PHF2: variants seen among roughly 807,000 people sequenced by gnomAD.
PHF2 encodes lysine-specific demethylase PHF2.
PHF2 carries 27 observed loss-of-function variants against 120.5 expected under a neutral mutation model. That is an observed-to-expected ratio of 0.22 (90% CI 0.17 to 0.31). The LOEUF is 0.31. Among genes scored for constraint, PHF2 ranks in the 10% least tolerant of loss-of-function variants. The probability of loss-of-function intolerance (pLI) is 1.00; values close to 1 mark genes in which losing one functional copy is unlikely to be tolerated. For missense variants in PHF2, 1,024 were observed against 1,434.8 expected (o/e 0.71, Z 4.63); for synonymous variants, 568 against 592.5 (o/e 0.96, Z 0.60).
chr9:93,649,617 CCGGACACACAACATTCA>C (rs1448747709), intron 5 of PHF2, among the ~76,000 whole-genome samples: 1 of 152,010 alleles, frequency 6.6e-6, no homozygotes, highest in Non-Finnish European at 1.5e-5. Flanking sequence ...ACACCCACTT[CCGGACACACAACATTCA>C]CGCTTACTCA....
intron 1 of PHF2, among the ~76,000 whole-genome samples, chr9:93,599,218 A>T (rs1402316325): frequency 2.6e-5 from 4 of 152,000 alleles, no homozygotes; most frequent in Non-Finnish European, 4.4e-5. Flanking sequence ...GGCCTGCTGG[A>T]CCTCGGGCTG....
At chr9:93,655,449 C>G (rs1247666447) in intron 7 of PHF2, among the ~76,000 whole-genome samples, 1 of 152,214 alleles carries the variant, frequency 6.6e-6, no homozygotes, top group East Asian at 1.9e-4. Flanking sequence ...GGCCCAGGCT[C>G]TGTCTCCGAG....
chr9:93,666,066 C>T lies in PHF2; in HGVS notation c.2187+6C>T. 1 of 1,611,838 alleles carries T rather than the reference C, an allele frequency of 6.2e-7. No homozygotes were observed. Among genetic ancestry groups the T allele is most frequent in the Non-Finnish European group, 8.5e-7 (1 of 1,178,662 alleles). On this transcript the variant is annotated splice_donor_region_variant and intron_variant, in intron 16 of 21. Transcript: ENST00000359246. ...TGGACTCGGCAGCGTACAAGGTGAG[C>T]TGCCTTACAGGCCCCCCTCAGTCTC... is the stretch of plus-strand genomic sequence containing the variant.
rs752584255 is a variant in PHF2, at chr9:93,665,640, C to T, written c.1938-46C>T. The T allele has an allele frequency of 1.9e-6, 3 of 1,596,948 alleles. No individual in the cohort carries two copies. The South Asian group carries it at 3.3e-5, about 18-fold the overall frequency. On this transcript the variant is annotated intron_variant, in intron 14 of 21. Coordinates refer to ENST00000359246, the MANE Select transcript of PHF2 (RefSeq NM_005392.4). ...TCGGGAGGTCCTACCTGTCCGCTGG[C>T]TGTGGGGCTATGTGGATGCTGCTGA...
At chr9:93,578,649 C>A (rs1340562559) in intron 1 of PHF2, among the ~76,000 whole-genome samples, 1 of 152,130 alleles carries the variant, frequency 6.6e-6, no homozygotes, top group African/African-American at 2.4e-5. Context: ...GCTTAGGGGA[C>A]CCTCTGGGAA....
At chr9:93,649,240 G>T (rs931917684) in intron 5 of PHF2, 28 bp downstream of exon 5, 2 of 1,545,328 alleles carry the variant, frequency 1.3e-6, no homozygotes, top group Admixed American at 2.0e-5. Context: ...GGGGGTGTGG[G>T]GGCTGGGGTT....
intron 17 of PHF2, among the ~76,000 whole-genome samples, chr9:93,671,616 G>T (rs1438304023): frequency 4.6e-5 from 6 of 129,860 alleles, no homozygotes; most frequent in Non-Finnish European, 8.2e-5. Flanking sequence ...GTAGATGCAG[G>T]TGTGGGTGTG....
chr9:93,675,745 A>G lies in PHF2; in HGVS notation c.2788A>G (p.Ile930Val). ...GCGTGAGGGTACACGGGTGGCTTCC[A>G]TCGAGACCGGGCTGGCGGCTGCTGC... ...PVREGTRVAS[I>V]ETGLAAAAAK... The change falls in exon 20 of 22, where the codon ATC becomes GTC. Residue 930 changes from isoleucine to valine, a missense_variant. Around this residue, in one of 2 missense-constraint regions of PHF2, gnomAD observed 677 missense variants for 857.4 expected, o/e 0.79. Transcript: ENST00000359246. 1.2e-6 allele frequency: 2 copies of G among 1,612,968 alleles called. No individual in the cohort carries two copies. The highest frequency in any genetic ancestry group is 1.7e-6 in the Non-Finnish European group (2 of 1,179,926).
chr9:93,604,093 GGA>G (rs1237100442), intron 1 of PHF2, among the ~76,000 whole-genome samples: 1 of 152,222 alleles, frequency 6.6e-6, no homozygotes, highest in Non-Finnish European at 1.5e-5. Flanking sequence ...AACAGATGGG[GGA>G]GTGCAGGGAG....
chr9:93,676,611 G>GA lies in PHF2; in HGVS notation c.2858dup (p.Ser954GlufsTer9), dbSNP rs1252501615. ...GTTCAAAGGAGGAGCAGAAAAGCAA[G>GA]AAAAAAAAGAGTGCCAAGAGGAAGC... On this transcript the variant is annotated frameshift_variant, in exon 21 of 22. Coordinates refer to ENST00000359246, the MANE Select transcript of PHF2 (RefSeq NM_005392.4). LOFTEE classifies it high-confidence loss of function. 6 of 1,599,378 alleles carry GA rather than the reference G, an allele frequency of 3.8e-6. No homozygotes were observed. Among genetic ancestry groups the GA allele is most frequent in the African/African-American group, 1.3e-5 (1 of 74,616 alleles).
In PHF2 at chr9:93,673,879, C is replaced by T. The variant is rs78337831; in HGVS notation, c.2626+17C>T. ...CAGACTACGGTGAGTGTCACTCCTGCGTGGGGCAGGGCCCATGCTCAGCCC... is the reference window on the plus strand; with the variant it reads ...CAGACTACGGTGAGTGTCACTCCTGTGTGGGGCAGGGCCCATGCTCAGCCC... On this transcript the variant is annotated intron_variant, in intron 18 of 21. Transcript: ENST00000359246. The T allele has an allele frequency of 1.3e-3, 2,102 of 1,567,428 alleles. 17 individuals carry two copies. The African/African-American group carries it at 0.022, about 16-fold the overall frequency.
intron 6 of PHF2, among the ~76,000 whole-genome samples, 175 bp from the exon 7 acceptor site, chr9:93,654,238 T>C (rs1303645682): frequency 6.6e-6 from 1 of 152,214 alleles, no homozygotes; most frequent in Admixed American, 6.5e-5. Context: ...AGGGCCCAGA[T>C]ACCCAGAACC....
intron 1 of PHF2, among the ~76,000 whole-genome samples, chr9:93,600,141 T>A (rs2131615162): frequency 6.6e-6 from 1 of 152,090 alleles, no homozygotes; most frequent in East Asian, 1.9e-4. Context: ...GTGTAATGTG[T>A]GTGAATGTGT....
chr9:93,666,876 A>T (rs1826690839), intron 16 of PHF2, among the ~76,000 whole-genome samples: 1 of 152,170 alleles, frequency 6.6e-6, no homozygotes, highest in Non-Finnish European at 1.5e-5. Flanking sequence ...GTGAGCCAAG[A>T]TCGCACCACT....
In PHF2 at chr9:93,675,709, G is replaced by A; in HGVS notation, c.2752G>A (p.Asp918Asn). The A allele has an allele frequency of 6.2e-7, 1 of 1,613,344 alleles. No homozygotes were observed. The highest frequency in any genetic ancestry group is 1.1e-5 in the South Asian group (1 of 91,066). ...GGTCGGCCCATCGGTGCCAAGACAG[G>A]ACAGGCCTGTGCGTGAGGGTACACG... ...ARVGPSVPRQ[D>N]RPVREGTRVA... is the part of the protein sequence containing the mutation. The change falls in exon 20 of 22, where the codon GAC becomes AAC. Residue 918 changes from aspartate (D) to asparagine (N), a missense_variant. Asp to Asn is a conservative substitution (Grantham distance 23). Coordinates refer to ENST00000359246, the MANE Select transcript of PHF2 (RefSeq NM_005392.4).
intron 9 of PHF2, among the ~76,000 whole-genome samples, chr9:93,657,069 C>G (rs954468388): frequency 3.9e-5 from 6 of 152,242 alleles, no homozygotes; most frequent in African/African-American, 1.4e-4. Context: ...CATCCCCGGG[C>G]CGCCCTTTTC....
chr9:93,605,482 A>T (rs1012462549), intron 1 of PHF2, among the ~76,000 whole-genome samples: 1 of 152,246 alleles, frequency 6.6e-6, no homozygotes, highest in African/African-American at 2.4e-5. Context: ...TTTCATCTAA[A>T]GTCCTCTGTG....
At chr9:93,592,272 G>A (rs4073155) in intron 1 of PHF2, among the ~76,000 whole-genome samples, 43,919 of 152,030 alleles carry the variant, frequency 0.29, 7,068 homozygotes, top group South Asian at 0.6. Flanking sequence ...CCTCTGCAGG[G>A]GCTGCTGGTC....
At chr9:93,638,932 A>T (rs894565139) in intron 3 of PHF2, among the ~76,000 whole-genome samples, 3 of 152,122 alleles carry the variant, frequency 2.0e-5, no homozygotes, top group Non-Finnish European at 4.4e-5. Flanking sequence ...GTTGGCCAGG[A>T]TGGTCTCAAA....
Sources: allele counts gnomAD v4.1 joint callset (sites outside exome capture counted in the v4.1 genomes callset), GRCh38; gene constraint gnomAD v4.1.1; regional missense constraint gnomAD v4.1.1; transcripts MANE v1.5; gene names NCBI Gene and HGNC (gene_info 2026-07-23, HGNC 2026-07-21).